The following PLOD2 variants were observed in gnomAD, a reference collection of about 807,000 sequenced individuals.
The protein encoded by PLOD2 is procollagen-lysine,2-oxoglutarate 5-dioxygenase 2.
A neutral mutation model predicts 101.0 loss-of-function variants in PLOD2; 65 were observed. The ratio of observed to expected loss-of-function variants is 0.64; its 90% CI spans 0.53 to 0.79. The LOEUF (loss-of-function observed/expected upper bound fraction) is 0.79, where lower values mean the gene tolerates loss of function less well. PLOD2 is among the 30% of genes least tolerant of loss of function. The probability of loss-of-function intolerance (pLI) is 0.00; values close to 1 mark genes in which losing one functional copy is unlikely to be tolerated. For missense variants in PLOD2, 909 were observed against 914.6 expected (o/e 0.99, Z 0.08); for synonymous variants, 314 against 302.9 (o/e 1.04, Z -0.38).
At chr3:146,155,543 TCTA>T (rs1373401678) in intron 1 of PLOD2, among the ~76,000 whole-genome samples, 1 of 134,806 alleles carries the variant, frequency 7.4e-6, no homozygotes, top group African/African-American at 2.6e-5. Context: ...AAACCCCATC[TCTA>T]CTAAAAAAAA....
chr3:146,110,999 A>G (rs1173645537), intron 3 of PLOD2, among the ~76,000 whole-genome samples: 3 of 151,914 alleles, frequency 2.0e-5, no homozygotes, highest in Non-Finnish European at 2.9e-5. Flanking sequence ...AGCTCAATAC[A>G]CTTGGGAGAA....
chr3:146,077,800 A>G, intron 14 of PLOD2, 62 bp downstream of exon 14: 1 of 924,166 alleles, frequency 1.1e-6, no homozygotes. Context: ...CTTTACTACT[A>G]GGCAATATAC....
At chr3:146,138,638 T>C (rs114150526) in intron 1 of PLOD2, among the ~76,000 whole-genome samples, 2,536 of 152,158 alleles carry the variant, frequency 0.017, 69 homozygotes, top group African/African-American at 0.058. Context: ...GAAGAGACTA[T>C]GCAAGGGAAA....
chr3:146,079,297 C>T (rs1390553177), intron 12 of PLOD2, 40 bp from the exon 13 acceptor site: 7 of 1,509,206 alleles, frequency 4.6e-6, no homozygotes, highest in South Asian at 2.3e-5. Flanking sequence ...ACCACAAATA[C>T]AAACAATTTT....
intron 12 of PLOD2, among the ~76,000 whole-genome samples, chr3:146,080,196 T>C (rs1306387414): frequency 6.6e-6 from 1 of 151,886 alleles, no homozygotes; most frequent in Non-Finnish European, 1.5e-5. Flanking sequence ...CAGTGGATGC[T>C]TGAAAGCAGA....
chr3:146,102,901 G>T, intron 6 of PLOD2, 49 bp from the exon 7 acceptor site: 1 of 926,228 alleles, frequency 1.1e-6, no homozygotes. Context: ...ATACGTGTGT[G>T]TGTGTCTGTA....
At chr3:146,151,448 G>A (rs1229915057) in intron 1 of PLOD2, among the ~76,000 whole-genome samples, 2 of 151,876 alleles carry the variant, frequency 1.3e-5, no homozygotes, top group African/African-American at 4.8e-5. Flanking sequence ...AGTGAGCCAA[G>A]ATCGCGCCAT....
Position 146,104,270 on chromosome 3 carries a change from G to A in PLOD2, c.679+9C>T, listed in dbSNP as rs754105451. ...TATACGTAAGCAATCCGGTATTTAG[G>A]AAGCATACCTACAGCTCCATTTAAG... On this transcript the variant is annotated intron_variant, in intron 6 of 19. Coordinates refer to ENST00000282903, the MANE Select transcript of PLOD2 (RefSeq NM_182943.3). The A allele has an allele frequency of 6.5e-7, 1 of 1,540,910 alleles. No individual in the cohort carries two copies. The highest frequency in any genetic ancestry group is 2.3e-5 in the East Asian group (1 of 44,428).
At chr3:146,143,491 CT>C (rs2031629382) in intron 1 of PLOD2, among the ~76,000 whole-genome samples, 1 of 152,054 alleles carries the variant, frequency 6.6e-6, no homozygotes, top group Non-Finnish European at 1.5e-5. Flanking sequence ...TCCTAACCAT[CT>C]TTTCTGTGAG....
chr3:146,078,711 T>C lies in PLOD2; in HGVS notation c.1500+405A>G, dbSNP rs111787336. 4.7e-3 allele frequency among the ~76,000 whole-genome samples: 713 copies of C among 151,952 alleles called. 2 individuals carry two copies. The highest frequency in any genetic ancestry group is 7.7e-3 in the Non-Finnish European group (522 of 67,836). On this transcript the variant is annotated intron_variant, in intron 13 of 19. Transcript: ENST00000282903. ...TACCTAGTTAGAGAAAATGTGGACA[T>C]TAATTTTAGAACAAAAATATTCTTA...
At chr3:146,156,655 GCCTACTCCTTTCTCCT>G (rs2108150451) in intron 1 of PLOD2, among the ~76,000 whole-genome samples, 1 of 152,338 alleles carries the variant, frequency 6.6e-6, no homozygotes, top group Admixed American at 6.5e-5. Context: ...TTCAGCCTGT[GCCTACTCCTTTCTCCT>G]CCTTTTACAT....
In PLOD2 at chr3:146,085,214, A is replaced by G; in HGVS notation, c.1187T>C (p.Val396Ala). Reference sequence around the variant, plus strand: ...TTTTAAAGTCCTTGGATTTGTCAAAACAACATCTGCATCCACACTAAAGTA... The same window carrying G: ...TTTTAAAGTCCTTGGATTTGTCAAAGCAACATCTGCATCCACACTAAAGTA... ...DYYFSVDADV[V>A]LTNPRTLKIL... The change falls in exon 11 of 20, where the codon GTT (valine) becomes GCT (alanine). Residue 396 changes from valine (V) to alanine (A), a missense_variant. Transcript: ENST00000282903. 6.2e-7 allele frequency: 1 copy of G among 1,607,860 alleles called. No homozygotes were observed.
In PLOD2 at chr3:146,072,618, A is replaced by C. The variant is rs199938282; in HGVS notation, c.1791T>G (p.Cys597Trp). 6.2e-7 allele frequency: 1 copy of C among 1,610,824 alleles called. No homozygotes were observed. The highest frequency in any genetic ancestry group is 2.2e-5 in the East Asian group (1 of 44,756). Residue 597 changes from cysteine (C) to tryptophan (W), a missense_variant, in exon 17 of 20, where the codon TGT becomes TGG. Physicochemically the swap from Cys to Trp is radical, Grantham distance 215. Coordinates refer to ENST00000282903, the MANE Select transcript of PLOD2 (RefSeq NM_182943.3). ...FWFPIFSEKA[C>W]DELVEEMEHY... The stretch of plus-strand genomic sequence containing the variant: ...GTTCCATTTCTTCTACCAATTCATC[A>C]CAGGCTTTTTCAGAAAATATGGGGA...
chr3:146,122,928 T>C (rs1475197753), intron 2 of PLOD2, among the ~76,000 whole-genome samples: 1 of 152,168 alleles, frequency 6.6e-6, no homozygotes. Flanking sequence ...AGCATTATTT[T>C]ATCCTAATTT....
At chr3:146,135,465 G>T (rs2031176312) in intron 1 of PLOD2, among the ~76,000 whole-genome samples, 1 of 152,028 alleles carries the variant, frequency 6.6e-6, no homozygotes, top group Non-Finnish European at 1.5e-5. Flanking sequence ...ATGTAAGGAG[G>T]TATCTTTTTA....
chr3:146,131,427 A>G (rs1327434237), intron 1 of PLOD2, among the ~76,000 whole-genome samples: 1 of 152,300 alleles, frequency 6.6e-6, no homozygotes, highest in East Asian at 1.9e-4. Context: ...AAGAGGTACT[A>G]TGGGGATAGT....
intron 11 of PLOD2, among the ~76,000 whole-genome samples, chr3:146,084,382 A>G (rs1936684724): frequency 6.6e-6 from 1 of 151,882 alleles, no homozygotes; most frequent in South Asian, 2.1e-4. Context: ...ATATATATAG[A>G]TAGATATTAT....
intron 3 of PLOD2, among the ~76,000 whole-genome samples, chr3:146,120,319 G>C (rs1298253061): frequency 6.6e-6 from 1 of 151,980 alleles, no homozygotes; most frequent in African/African-American, 2.4e-5. Context: ...ATTTGTTTGA[G>C]TTCATTGTAG....
At chr3:146,083,634 T>A (rs542196334) in intron 11 of PLOD2, among the ~76,000 whole-genome samples, 126 of 146,504 alleles carry the variant, frequency 8.6e-4, no homozygotes, top group African/African-American at 3.0e-3. Context: ...CAGGCTAGAG[T>A]GCAGTGGCGC....
Sources: gnomAD v4.1 joint callset for allele counts (sites outside exome capture counted in the v4.1 genomes callset) on GRCh38, gnomAD v4.1.1 for gene constraint, MANE v1.5 for transcripts, NCBI Gene and HGNC (gene_info 2026-07-23, HGNC 2026-07-21) for gene names.